ABR: variants seen among roughly 807,000 people sequenced by gnomAD.
The protein encoded by ABR is ABR activator of RhoGEF and GTPase.
ABR carries 35 observed loss-of-function variants against 107.2 expected under a neutral mutation model. The observed-to-expected ratio is 0.33, with a 90% CI of 0.25 to 0.43. The LOEUF is 0.43. ABR is among the 20% of genes least tolerant of loss of function. The pLI, the probability that ABR is intolerant of heterozygous loss-of-function variation, is 1.00. For missense variants in ABR, 815 were observed against 1,115.2 expected (o/e 0.73, Z 3.83); for synonymous variants, 498 against 462.0 (o/e 1.08, Z -1.00).
Position 1,078,755 on chromosome 17 carries a change from C to G in ABR, c.700+575G>C, listed in dbSNP as rs1200002487. On this transcript the variant is annotated intron_variant, in intron 6 of 22. Transcript: ENST00000302538. This position sits in a 1 kb window ranked among gnomAD's most constrained non-coding sequence, Gnocchi z 7.5. ...CTCCCCGGCCACATCTAAGCCCACT[C>G]CAGCCGGCCCCCAGAGGTGGGAGGG... 1 of 1,517,414 alleles carries G rather than the reference C, an allele frequency of 6.6e-7. No homozygotes were observed. The highest frequency in any genetic ancestry group is 1.4e-5 in the African/African-American group (1 of 72,732). 94.0% of individuals were successfully genotyped at this position (1,517,414 alleles called of 1,614,324 possible).
chr17:1,056,546 C>T (rs1280316212), intron 13 of ABR, among the ~76,000 whole-genome samples: 1 of 152,154 alleles, frequency 6.6e-6, no homozygotes, highest in Non-Finnish European at 1.5e-5. Context: ...AATACACCCA[C>T]TCCGGTCAGT....
Position 1,174,168 on chromosome 17 carries a change from G to A in ABR, c.61+5499C>T, listed in dbSNP as rs544124641. On this transcript the variant is annotated intron_variant, in intron 1 of 22. Transcript: ENST00000302538. ...CCCCACAAATTTCCTTCCTTTTCCCGAAGAACAACAGTAGCCAACAATCAC... is the reference window on the plus strand; with the variant it reads ...CCCCACAAATTTCCTTCCTTTTCCCAAAGAACAACAGTAGCCAACAATCAC... Among the ~76,000 whole-genome samples the A allele has an allele frequency of 7.9e-5, 12 of 152,216 alleles. No individual in the cohort carries two copies. The East Asian group carries it at 9.6e-4, about 12-fold the overall frequency.
At chr17:1,080,765 G>A (rs943064429) in intron 5 of ABR, among the ~76,000 whole-genome samples, 2 of 140,036 alleles carry the variant, frequency 1.4e-5, no homozygotes, top group African/African-American at 2.6e-5. Flanking sequence ...TTTGGGGGGC[G>A]GGGGGGTGGG....
upstream of ABR, among the ~76,000 whole-genome samples, chr17:1,188,692 G>A (rs1052816850): frequency 2.6e-5 from 4 of 152,212 alleles, no homozygotes; most frequent in Non-Finnish European, 5.9e-5. Context: ...AACTCTACCT[G>A]GTTGGGGAAA....
intron 1 of ABR, among the ~76,000 whole-genome samples, chr17:1,127,800 G>A (rs976428509): frequency 1.3e-5 from 2 of 152,164 alleles, no homozygotes; most frequent in Admixed American, 6.5e-5. Flanking sequence ...GGGAAGGGAC[G>A]GTAGGGAAGG....
chr17:1,226,508 T>C (rs1432158069), intron 1 of ABR, among the ~76,000 whole-genome samples: 1 of 150,560 alleles, frequency 6.6e-6, no homozygotes, highest in African/African-American at 2.5e-5. Context: ...GGTGTGCATG[T>C]GTGTGCATGC....
chr17:1,102,024 C>T (rs910398012), intron 2 of ABR, among the ~76,000 whole-genome samples: 2 of 152,104 alleles, frequency 1.3e-5, no homozygotes, highest in African/African-American at 2.4e-5. Flanking sequence ...TGAGCCACCG[C>T]ACCCTGCCGG....
At chr17:1,100,780 C>A (rs1435090232) in intron 2 of ABR, 45 bp from the exon 3 acceptor site, 4 of 1,588,088 alleles carry the variant, frequency 2.5e-6, no homozygotes, top group African/African-American at 1.3e-5. Context: ...AGCAAGGAGG[C>A]CAAAACCCTG....
intron 3 of ABR, among the ~76,000 whole-genome samples, chr17:1,096,907 A>T (rs1308306238): frequency 1.8e-5 from 2 of 108,116 alleles, no homozygotes; most frequent in African/African-American, 7.2e-5. Flanking sequence ...AAGGGGGGAA[A>T]CCTGCCCCGG....
At chr17:1,120,288 A>G (rs1466259242) in intron 2 of ABR, among the ~76,000 whole-genome samples, 1 of 151,452 alleles carries the variant, frequency 6.6e-6, no homozygotes, top group African/African-American at 2.4e-5. Context: ...TTTTCTTTTG[A>G]GATGGCATCT....
At chr17:1,143,757 C>G (rs2151504787) in intron 1 of ABR, among the ~76,000 whole-genome samples, 1 of 152,244 alleles carries the variant, frequency 6.6e-6, no homozygotes, top group African/African-American at 2.4e-5. Context: ...CAGGGCTCCA[C>G]AGCCTGAGAC....
intron 10 of ABR, among the ~76,000 whole-genome samples, chr17:1,060,353 T>G (rs960123857): frequency 9.2e-5 from 14 of 152,018 alleles, no homozygotes; most frequent in African/African-American, 3.4e-4. Context: ...GAAGTTCCAG[T>G]GAGCCCAAAT....
At chr17:1,205,565 C>A (rs140727752) in intron 1 of ABR, among the ~76,000 whole-genome samples, 5,242 of 152,258 alleles carry the variant, frequency 0.034, 220 homozygotes, top group African/African-American at 0.1. Flanking sequence ...AATCCCAGAA[C>A]TTTGGGAGGC....
At chr17:1,176,875 A>C (rs1247227758) in intron 1 of ABR, among the ~76,000 whole-genome samples, 1 of 150,682 alleles carries the variant, frequency 6.6e-6, no homozygotes. Flanking sequence ...AAAACAAAAA[A>C]AAAAAAGAAA....
intron 16 of ABR, among the ~76,000 whole-genome samples, chr17:1,033,581 G>T (rs543070158): frequency 6.6e-6 from 1 of 152,346 alleles, no homozygotes; most frequent in South Asian, 2.1e-4. Context: ...GGGGCCTTGG[G>T]GCGTCCTGCC....
chr17:1,069,684 A>AT (rs1051052400), intron 9 of ABR, among the ~76,000 whole-genome samples: 5 of 152,076 alleles, frequency 3.3e-5, no homozygotes, highest in Non-Finnish European at 7.4e-5. Flanking sequence ...AAGAAAAAAA[A>AT]CCAACAAAGT....
intron 1 of ABR, among the ~76,000 whole-genome samples, chr17:1,209,737 C>T (rs1316952464): frequency 6.6e-6 from 1 of 152,178 alleles, no homozygotes; most frequent in Admixed American, 6.5e-5. Context: ...TACTTGGTGA[C>T]GTGGACACCC....
At chr17:1,125,566 G>C in intron 1 of ABR, 199 bp from the exon 2 acceptor site, 1 of 395,138 alleles carries the variant, frequency 2.5e-6, no homozygotes, top group Non-Finnish European at 4.4e-6. Flanking sequence ...GGCCCTGCCC[G>C]CTCCGGGGCT....
intron 5 of ABR, among the ~76,000 whole-genome samples, chr17:1,082,610 T>A (rs924328422): frequency 2.6e-5 from 4 of 152,144 alleles, no homozygotes; most frequent in African/African-American, 9.7e-5. Context: ...GCTCTTACCC[T>A]TTTTGTGTTT....
Sources: gnomAD v4.1 joint callset for allele counts (sites outside exome capture counted in the v4.1 genomes callset) on GRCh38, gnomAD v4.1.1 for gene constraint, Gnocchi (gnomAD v3.1) non-coding constraint, MANE v1.5 for transcripts, NCBI Gene and HGNC (gene_info 2026-07-23, HGNC 2026-07-21) for gene names.